ACOX2: variants seen among roughly 807,000 people sequenced by gnomAD.
ACOX2 encodes acyl-CoA oxidase 2.
Under a neutral mutation model 77.5 loss-of-function variants are expected in ACOX2, and 59 were observed. The ratio of observed to expected loss-of-function variants is 0.76; its 90% CI spans 0.62 to 0.95. ACOX2 has a LOEUF of 0.95. Among genes scored for constraint, ACOX2 ranks in the 40% least tolerant of loss-of-function variants. ACOX2 has a pLI of 0.00. For synonymous variants in ACOX2, 317 were observed against 340.1 expected (o/e 0.93, Z 0.75); for missense variants, 837 against 880.4 (o/e 0.95, Z 0.62).
chr3:58,524,374 G>A lies in ACOX2; in HGVS notation c.1526+52C>T, dbSNP rs1021642135. On this transcript the variant is annotated intron_variant, in intron 11 of 14. Transcript: ENST00000302819. This position sits in a 1 kb window ranked among gnomAD's most constrained non-coding sequence, Gnocchi z 5.5. ...CCAACCAATCCAAAGGCCCTAGTGT[G>A]GCATGGAGCCTGTGCCCAGGTGGGA... 1.9e-6 allele frequency: 3 copies of A among 1,586,630 alleles called. No homozygotes were observed. The African/African-American group carries it at 4.0e-5, about 21-fold the overall frequency.
chr3:58,514,350 A>T lies in ACOX2; in HGVS notation c.1850+2856T>A, dbSNP rs1051981164. On this transcript the variant is annotated intron_variant, in intron 13 of 14. Transcript: ENST00000302819. The surrounding 1 kb of genome is among the most constrained non-coding windows in gnomAD (Gnocchi z 4.3). ...TTTTAGTAGGGTTTCGGGAAAGAAC[A>T]GAAGTAAATGCATAGTTTAATCTGT... Among the ~76,000 whole-genome samples the T allele has an allele frequency of 1.3e-5, 2 of 152,228 alleles. No individual in the cohort carries two copies. The highest frequency in any genetic ancestry group is 4.8e-5 in the African/African-American group (2 of 41,464).
chr3:58,516,887 C>G (rs1318838353), intron 13 of ACOX2, among the ~76,000 whole-genome samples: 1 of 152,050 alleles, frequency 6.6e-6, no homozygotes, highest in Non-Finnish European at 1.5e-5. Flanking sequence ...CTATTATTAG[C>G]ACATTAGCAC....
chr3:58,526,854 A>T lies in ACOX2; in HGVS notation c.1156-198T>A. The T allele has an allele frequency of 6.9e-6, 4 of 576,266 alleles. No individual in the cohort carries two copies. Among genetic ancestry groups the T allele is most frequent in the Non-Finnish European group, 9.0e-6 (3 of 332,348 alleles). The allele number at this position is 576,266 out of a possible 1,614,324, so 35.7% of individuals were successfully genotyped here. ...TCACCCAGAGGCACACAATTAGGCA[A>T]TGTAGCTGTAGGGGCATAAGAGTGA... is the stretch of plus-strand genomic sequence containing the variant. On this transcript the variant is annotated intron_variant, in intron 9 of 14. Coordinates refer to ENST00000302819, the MANE Select transcript of ACOX2 (RefSeq NM_003500.4). The surrounding 1 kb of genome is among the most constrained non-coding windows in gnomAD (Gnocchi z 4.3).
In ACOX2 at chr3:58,522,093, G is replaced by T. The variant is rs1338833583; in HGVS notation, c.1632+403C>A. On this transcript the variant is annotated intron_variant, in intron 12 of 14. Coordinates refer to ENST00000302819, the MANE Select transcript of ACOX2 (RefSeq NM_003500.4). The surrounding 1 kb of genome is among the most constrained non-coding windows in gnomAD (Gnocchi z 4.3). ...AGTGGCTTCACTGTTGAGCACCCAG[G>T]TCAGTGCCCAGGGCAGAGTGGGTGC... Among the ~76,000 whole-genome samples, 1 of 152,194 alleles carries T rather than the reference G, an allele frequency of 6.6e-6. No individual in the cohort carries two copies. Among genetic ancestry groups the T allele is most frequent in the African/African-American group, 2.4e-5 (1 of 41,442 alleles).
In ACOX2 at chr3:58,523,430, A is replaced by G. The variant is rs569112821; in HGVS notation, c.1527-829T>C. On this transcript the variant is annotated intron_variant, in intron 11 of 14. Coordinates refer to ENST00000302819, the MANE Select transcript of ACOX2 (RefSeq NM_003500.4). The surrounding 1 kb of genome is among the most constrained non-coding windows in gnomAD (Gnocchi z 5.3). ...CCTAATGCCTAGAACAGTGCCTGCC[A>G]TATTATAGGCAGTTAATAAATATTT... 6.6e-6 allele frequency among the ~76,000 whole-genome samples: 1 copy of G among 152,328 alleles called. No individual in the cohort carries two copies. The highest frequency in any genetic ancestry group is 1.5e-5 in the Non-Finnish European group (1 of 68,032).
rs1222673021 is a variant in ACOX2 at position 58,535,805 on chromosome 3, T to A, written c.-91-608A>T. Among the ~76,000 whole-genome samples, 2 of 152,018 alleles carry A rather than the reference T, an allele frequency of 1.3e-5. No individual in the cohort carries two copies. The highest frequency in any genetic ancestry group is 2.9e-5 in the Non-Finnish European group (2 of 68,028). On this transcript the variant is annotated intron_variant, in intron 1 of 14. Transcript: ENST00000302819. The surrounding 1 kb of genome is among the most constrained non-coding windows in gnomAD (Gnocchi z 4.8). ...ATACCCAGGTTGGACCCTGTCTCCT[T>A]CATGGCAAGTGCTTGGCCTCTGAGA...
chr3:58,528,129 T>C lies in ACOX2; in HGVS notation c.1155+665A>G, dbSNP rs2063410770. On this transcript the variant is annotated intron_variant, in intron 9 of 14. Transcript: ENST00000302819. This position sits in a 1 kb window ranked among gnomAD's most constrained non-coding sequence, Gnocchi z 5.6. ...GGTTCTTGAAGACCCTGCCTATCTT[T>C]GGAGCTTTCAAGTCCTTGGGAGGAA... 6.6e-6 allele frequency among the ~76,000 whole-genome samples: 1 copy of C among 152,230 alleles called. No individual in the cohort carries two copies. Among genetic ancestry groups the C allele is most frequent in the South Asian group, 2.1e-4 (1 of 4,836 alleles).
intron 1 of ACOX2, among the ~76,000 whole-genome samples, chr3:58,536,637 C>T (rs1180189938): frequency 6.6e-6 from 1 of 152,284 alleles, no homozygotes; most frequent in East Asian, 1.9e-4. Context: ...TGCCTCCTTG[C>T]TGTTCTGAAT....
At chr3:58,530,347 G>A (rs764085528) in intron 8 of ACOX2, 119 bp downstream of exon 8, 20 of 1,385,482 alleles carry the variant, frequency 1.4e-5, no homozygotes, top group Admixed American at 5.8e-5. Flanking sequence ...TGTGTATGTG[G>A]TGGGGGGCAT....
chr3:58,518,381 C>T (rs939081202), intron 12 of ACOX2, among the ~76,000 whole-genome samples: 2 of 152,176 alleles, frequency 1.3e-5, no homozygotes, highest in Admixed American at 6.5e-5. Context: ...GACTCCTTCC[C>T]GAAGACCCCC....
rs1025780211 is a variant in ACOX2, at chr3:58,524,765, C to G, written c.1347-160G>C. On this transcript the variant is annotated intron_variant, in intron 10 of 14. Transcript: ENST00000302819. The surrounding 1 kb of genome is among the most constrained non-coding windows in gnomAD (Gnocchi z 5.5). ...GCCTGGCCTCCCTCCTGAGGGTTCC[C>G]CCTCGGGCCGTCCTGCCTCGAGGCC... 7.2e-5 allele frequency among the ~76,000 whole-genome samples: 11 copies of G among 152,220 alleles called. No homozygotes were observed. Among genetic ancestry groups the G allele is most frequent in the African/African-American group, 2.2e-4 (9 of 41,470 alleles).
chr3:58,510,659 AAAAAATATATATATATATATATAT>A (rs2063274565), intron 13 of ACOX2, among the ~76,000 whole-genome samples: 3 of 24,794 alleles, frequency 1.2e-4, no homozygotes, highest in Non-Finnish European at 2.2e-4. Context: ...AAAAAAAAAA[AAAAAATATATATATATATATATAT>A]ATATATATAT....
chr3:58,527,552 A>G (rs2063405327), intron 9 of ACOX2, among the ~76,000 whole-genome samples: 1 of 151,284 alleles, frequency 6.6e-6, no homozygotes, highest in Admixed American at 6.6e-5. Flanking sequence ...AAAAAAAAAG[A>G]AAGAAAGAGG....
chr3:58,515,218 A>G lies in ACOX2; in HGVS notation c.1850+1988T>C, dbSNP rs910058498. Reference sequence around the variant, plus strand: ...GTATTTTTAGTAGAGACCGGGTTTCACCATGTTGGCCAGGCTGGCCTCGAA... The same window carrying G: ...GTATTTTTAGTAGAGACCGGGTTTCGCCATGTTGGCCAGGCTGGCCTCGAA... On this transcript the variant is annotated intron_variant, in intron 13 of 14. Coordinates refer to ENST00000302819, the MANE Select transcript of ACOX2 (RefSeq NM_003500.4). The surrounding 1 kb of genome is among the most constrained non-coding windows in gnomAD (Gnocchi z 4.0). 6.6e-6 allele frequency among the ~76,000 whole-genome samples: 1 copy of G among 152,152 alleles called. No homozygotes were observed. Among genetic ancestry groups the G allele is most frequent in the Non-Finnish European group, 1.5e-5 (1 of 68,036 alleles).
At position 58,534,357 on chromosome 3, in the gene ACOX2, C is replaced by A; in HGVS notation, c.323+3G>T. 1.2e-6 allele frequency: 2 copies of A among 1,614,094 alleles called. No individual in the cohort carries two copies. Among genetic ancestry groups the A allele is most frequent in the Non-Finnish European group, 1.7e-6 (2 of 1,179,994 alleles). On this transcript the variant is annotated splice_donor_region_variant and intron_variant, in intron 3 of 14. Coordinates refer to ENST00000302819, the MANE Select transcript of ACOX2 (RefSeq NM_003500.4). The surrounding 1 kb of genome is among the most constrained non-coding windows in gnomAD (Gnocchi z 4.8). ...CTAGTGGGGCTGCTCGAGGAGTGAG[C>A]ACCTGTAAGCGTAGCCTAATTCACG...
Position 58,534,385 on chromosome 3 carries a change from C to T in ACOX2, c.298G>A (p.Gly100Ser), listed in dbSNP as rs1006508891. The change falls in exon 3 of 15, where the codon GGT becomes AGT. Residue 100 changes from glycine (G) to serine (S), a missense_variant. Gly to Ser is a moderately conservative substitution (Grantham distance 56). Coordinates refer to ENST00000302819, the MANE Select transcript of ACOX2 (RefSeq NM_003500.4). The surrounding 1 kb of genome is among the most constrained non-coding windows in gnomAD (Gnocchi z 4.8). ...IARRLGWLED[G>S]RELGYAYRAL... The stretch of plus-strand genomic sequence containing the variant: ...CTGTAAGCGTAGCCTAATTCACGAC[C>T]ATCTTCTAACCAACCCAGGCGCCGA... The T allele has an allele frequency of 5.0e-6, 8 of 1,614,106 alleles. No individual in the cohort carries two copies. Among genetic ancestry groups the T allele is most frequent in the Non-Finnish European group, 5.9e-6 (7 of 1,180,044 alleles).
Position 58,533,378 on chromosome 3 carries a change from G to T in ACOX2, c.583+67C>A. 7.0e-7 allele frequency: 1 copy of T among 1,433,090 alleles called. No individual in the cohort carries two copies. Among genetic ancestry groups the T allele is most frequent in the Non-Finnish European group, 9.8e-7 (1 of 1,022,450 alleles). The allele number at this position is 1,433,090 out of a possible 1,614,324, so 88.8% of individuals were successfully genotyped here. A position where few individuals can be genotyped will look rare whatever the true frequency, so the allele number is the denominator to read the frequency against. Reference sequence around the variant, plus strand: ...AGGTCTGTTGGACCTCAAAGCCAGTGCTACTCTGCCCTCCAACATTCTTCT... The same window carrying T: ...AGGTCTGTTGGACCTCAAAGCCAGTTCTACTCTGCCCTCCAACATTCTTCT... On this transcript the variant is annotated intron_variant, in intron 5 of 14. Coordinates refer to ENST00000302819, the MANE Select transcript of ACOX2 (RefSeq NM_003500.4). The surrounding 1 kb of genome is among the most constrained non-coding windows in gnomAD (Gnocchi z 5.6).
chr3:58,529,957 A>C (rs910732455), intron 8 of ACOX2, among the ~76,000 whole-genome samples: 1 of 152,214 alleles, frequency 6.6e-6, no homozygotes, highest in African/African-American at 2.4e-5. Flanking sequence ...AGGGATCCAG[A>C]CTAGACATAC....
In ACOX2 at chr3:58,514,832, C is replaced by T. The variant is rs368834834; in HGVS notation, c.1850+2374G>A. Among the ~76,000 whole-genome samples, 459 of 152,286 alleles carry T rather than the reference C, an allele frequency of 3.0e-3. 3 individuals are homozygous for T. Among genetic ancestry groups the T allele is most frequent in the African/African-American group, 0.01 (434 of 41,562 alleles). ...TCATCACTGACAACCGGGGCTAGAA[C>T]ATTATTTTCAAGTGCTTTTAAATTC... On this transcript the variant is annotated intron_variant, in intron 13 of 14. Transcript: ENST00000302819. The surrounding 1 kb of genome is among the most constrained non-coding windows in gnomAD (Gnocchi z 4.3).
Sources: gnomAD v4.1 joint callset for allele counts (sites outside exome capture counted in the v4.1 genomes callset) on GRCh38, gnomAD v4.1.1 for gene constraint, Gnocchi (gnomAD v3.1) non-coding constraint, MANE v1.5 for transcripts, NCBI Gene and HGNC (gene_info 2026-07-23, HGNC 2026-07-21) for gene names.